Variants in NUBPL observed in about 807,000 individuals in gnomAD.
NUBPL encodes NUBP iron-sulfur cluster assembly factor, mitochondrial.
In NUBPL, 31 loss-of-function variants were observed where a neutral mutation model predicts 45.7. The ratio of observed to expected loss-of-function variants is 0.68; its 90% CI spans 0.51 to 0.92. The LOEUF is 0.92. NUBPL is among the 40% of genes least tolerant of loss of function. The pLI is 0.00. For synonymous variants in NUBPL, 144 were observed against 140.9 expected, an observed-to-expected ratio of 1.02 and a Z score of -0.15; for missense variants, 401 against 398.7, an observed-to-expected ratio of 1.01 and a Z score of -0.05.
At chr14:31,812,491 A>G (rs1191241257) in intron 7 of NUBPL, among the ~76,000 whole-genome samples, 1 of 152,182 alleles carries the variant, frequency 6.6e-6, no homozygotes, top group East Asian at 1.9e-4. Context: ...TCCATTGGAA[A>G]AGCACAGTGT....
At chr14:31,669,310 T>A (rs1257866474) in intron 4 of NUBPL, among the ~76,000 whole-genome samples, 1 of 152,214 alleles carries the variant, frequency 6.6e-6, no homozygotes, top group East Asian at 1.9e-4. Flanking sequence ...TGTGGGAACA[T>A]TTAAAATATT....
chr14:31,672,273 A>ATGTGTG (rs3035682), intron 4 of NUBPL, among the ~76,000 whole-genome samples: 9,737 of 148,120 alleles, frequency 0.066, 384 homozygotes, highest in African/African-American at 0.11. Flanking sequence ...CTGATTAGAT[A>ATGTGTG]TGTGTGTGTG....
intron 8 of NUBPL, chr14:31,843,947 A>G (rs1020941776): frequency 6.6e-6 from 1 of 152,222 alleles, no homozygotes; most frequent in South Asian, 2.1e-4. Flanking sequence ...GTAAGGATCA[A>G]GTCTGTTTTG....
At chr14:31,612,261 TCAGA>T (rs2034778807) in intron 4 of NUBPL, among the ~76,000 whole-genome samples, 1 of 152,208 alleles carries the variant, frequency 6.6e-6, no homozygotes, top group African/African-American at 2.4e-5. Flanking sequence ...TATAAGGAGC[TCAGA>T]CAAATCTATA....
chr14:31,808,660 A>G (rs2039739503), intron 7 of NUBPL, among the ~76,000 whole-genome samples: 2 of 152,314 alleles, frequency 1.3e-5, no homozygotes, highest in South Asian at 4.1e-4. Flanking sequence ...ACTGTTGAAT[A>G]GGAGTGGCGA....
chr14:31,820,232 T>C lies in NUBPL; in HGVS notation c.608-6397T>C, dbSNP rs141850121. ...ATTTTTCCCTCAGAAAATAATTCAA[T>C]TTATTGCAAACTAAACTTCATTTTT... is the stretch of plus-strand genomic sequence containing the variant. On this transcript the variant is annotated intron_variant, in intron 7 of 10. Transcript: ENST00000281081. Among the ~76,000 whole-genome samples, 275 of 152,214 alleles carry C rather than the reference T, an allele frequency of 1.8e-3. 1 individual carries two copies. The highest frequency in any genetic ancestry group is 6.3e-3 in the African/African-American group (261 of 41,512).
At chr14:31,798,477 AT>A (rs200360687) in intron 7 of NUBPL, among the ~76,000 whole-genome samples, 3,392 of 151,868 alleles carry the variant, frequency 0.022, 73 homozygotes, top group Non-Finnish European at 0.031. Context: ...GTATTGTTCC[AT>A]TGTAATACAG....
At chr14:31,701,305 C>T in intron 6 of NUBPL, among the ~76,000 whole-genome samples, 1 of 152,144 alleles carries the variant, frequency 6.6e-6, no homozygotes, top group East Asian at 1.9e-4. Context: ...ATTGTAAATG[C>T]ACCAGTCAGC....
At chr14:31,808,154 G>A (rs2039727340) in intron 7 of NUBPL, among the ~76,000 whole-genome samples, 1 of 152,164 alleles carries the variant, frequency 6.6e-6, no homozygotes, top group Non-Finnish European at 1.5e-5. Context: ...TTCCAGTTCT[G>A]TGAAGAAAGT....
At chr14:31,823,245 C>G (rs924292532) in intron 7 of NUBPL, among the ~76,000 whole-genome samples, 4 of 151,890 alleles carry the variant, frequency 2.6e-5, no homozygotes, top group East Asian at 1.9e-4. Flanking sequence ...GTTTAAATTG[C>G]TGATCTTTTG....
chr14:31,640,288 A>T (rs796512186), intron 4 of NUBPL, among the ~76,000 whole-genome samples: 4 of 152,162 alleles, frequency 2.6e-5, no homozygotes, highest in African/African-American at 9.6e-5. Context: ...ATGCTTACCT[A>T]ACCACCATAC....
At chr14:31,767,352 G>A (rs4981908) in intron 6 of NUBPL, among the ~76,000 whole-genome samples, 54,629 of 151,832 alleles carry the variant, frequency 0.36, 12,089 homozygotes, top group East Asian at 0.6. Flanking sequence ...ACAGGCGCCC[G>A]CCACCATGCC....
intron 6 of NUBPL, among the ~76,000 whole-genome samples, chr14:31,769,413 A>G (rs1457285322): frequency 1.3e-5 from 2 of 152,192 alleles, no homozygotes; most frequent in African/African-American, 4.8e-5. Context: ...ATGTTTCAGG[A>G]ATGCATTAAC....
chr14:31,749,714 T>G (rs2038480012), intron 6 of NUBPL, among the ~76,000 whole-genome samples: 1 of 152,176 alleles, frequency 6.6e-6, no homozygotes. Context: ...TGGGGACTTT[T>G]GAGCTTCTTC....
chr14:31,771,796 C>G, intron 6 of NUBPL: 1 of 837,362 alleles, frequency 1.2e-6, no homozygotes, highest in African/African-American at 1.8e-5. Context: ...ACCTATTACC[C>G]CACTTCTTCC....
At chr14:31,567,138 T>C (rs6571433) in intron 3 of NUBPL, among the ~76,000 whole-genome samples, 1 of 151,582 alleles carries the variant, frequency 6.6e-6, no homozygotes, top group Non-Finnish European at 1.5e-5. Context: ...AATAATTTCC[T>C]CTCTGAACTT....
intron 6 of NUBPL, among the ~76,000 whole-genome samples, chr14:31,705,678 A>G (rs1595521465): frequency 1.3e-5 from 2 of 151,956 alleles, no homozygotes; most frequent in East Asian, 3.9e-4. Flanking sequence ...ACAAACCTCT[A>G]GCTAGACACA....
intron 3 of NUBPL, among the ~76,000 whole-genome samples, chr14:31,585,687 C>G (rs904590465): frequency 6.6e-6 from 1 of 152,152 alleles, no homozygotes; most frequent in African/African-American, 2.4e-5. Flanking sequence ...TTGATTTTCT[C>G]TATATCCTCA....
chr14:31,657,585 A>T (rs370716947), intron 4 of NUBPL, among the ~76,000 whole-genome samples: 35 of 152,256 alleles, frequency 2.3e-4, no homozygotes, highest in African/African-American at 7.9e-4. Flanking sequence ...TAAAATGTTT[A>T]ATACAGGTTA....
Sources: gnomAD v4.1 joint callset for allele counts (sites outside exome capture counted in the v4.1 genomes callset) on GRCh38, gnomAD v4.1.1 for gene constraint, MANE v1.5 for transcripts, NCBI Gene and HGNC (gene_info 2026-07-23, HGNC 2026-07-21) for gene names.